The following RALA variants were observed in gnomAD, a reference collection of about 807,000 sequenced individuals.
RALA encodes the protein RAS like proto-oncogene A.
RALA carries 5 observed loss-of-function variants against 24.0 expected under a neutral mutation model. That is an observed-to-expected ratio of 0.21 (90% CI 0.11 to 0.44). The LOEUF (loss-of-function observed/expected upper bound fraction) is 0.44, where lower values mean the gene tolerates loss of function less well. RALA is among the 20% of genes least tolerant of loss of function. The pLI is 0.99. For synonymous variants in RALA, 77 were observed against 83.8 expected (o/e 0.92, Z 0.44); for missense variants, 95 against 241.2 (o/e 0.39, Z 4.01).
At chr7:39,693,265 G>T (rs1027664246) in intron 3 of RALA, among the ~76,000 whole-genome samples, 8 of 152,114 alleles carry the variant, frequency 5.3e-5, no homozygotes, top group African/African-American at 1.4e-4. Flanking sequence ...CATGTCCTTC[G>T]CAGGGACATG....
chr7:39,681,302 C>CTTTTTTTTTTTTTT lies in RALA; in HGVS notation c.-37-5309_-37-5296dup, dbSNP rs70996832. ...TCCTCAACCCAAACCCACCCTATTC[C>CTTTTTTTTTTTTTT]TTTTTTTTTTTTTTTTTTTTTTTTT... is the stretch of plus-strand genomic sequence containing the variant. On this transcript the variant is annotated intron_variant, in intron 1 of 4. Coordinates refer to ENST00000005257, the MANE Select transcript of RALA (RefSeq NM_005402.4). 1.4e-3 allele frequency among the ~76,000 whole-genome samples: 70 copies of CTTTTTTTTTTTTTT among 50,048 alleles called. 8 individuals carry two copies. The highest frequency in any genetic ancestry group is 2.0e-3 in the Non-Finnish European group (55 of 28,088). 32.8% of individuals were successfully genotyped at this position (50,048 alleles called of 152,430 possible).
At chr7:39,671,561 A>C (rs1418802630) in intron 1 of RALA, among the ~76,000 whole-genome samples, 1 of 152,190 alleles carries the variant, frequency 6.6e-6, no homozygotes, top group East Asian at 1.9e-4. Flanking sequence ...CTGTTTTATT[A>C]ATGTTAACCT....
At chr7:39,659,185 A>G (rs925083996) in intron 1 of RALA, among the ~76,000 whole-genome samples, 2 of 152,090 alleles carry the variant, frequency 1.3e-5, no homozygotes, top group Non-Finnish European at 2.9e-5. Flanking sequence ...GGTCTGAGGC[A>G]GGAGGATTGC....
chr7:39,625,939 A>C (rs1442936061), intron 1 of RALA, among the ~76,000 whole-genome samples: 1 of 152,232 alleles, frequency 6.6e-6, no homozygotes, highest in Admixed American at 6.5e-5. Context: ...AGATATGCAT[A>C]TCAGTGTAAT....
At chr7:39,690,643 C>A in intron 3 of RALA, 53 bp downstream of exon 3, 1 of 1,392,224 alleles carries the variant, frequency 7.2e-7, no homozygotes. Context: ...ACAATTTCTT[C>A]CCCAGAAACA....
At position 39,672,687 on chromosome 7, in the gene RALA, A is replaced by G. The variant is rs140696320; in HGVS notation, c.-37-13944A>G. 6.4e-3 allele frequency among the ~76,000 whole-genome samples: 979 copies of G among 152,108 alleles called. 9 individuals are homozygous for G. The highest frequency in any genetic ancestry group is 0.022 in the African/African-American group (920 of 41,502). ...AAAGATGCATGCACTGATACATGCA[A>G]CAATATTTGTGTGTCTCAAAAGCCT... On this transcript the variant is annotated intron_variant, in intron 1 of 4. Transcript: ENST00000005257.
chr7:39,696,718 T>A lies in RALA; in HGVS notation c.357T>A (p.Asn119Lys). 6.2e-7 allele frequency: 1 copy of A among 1,608,420 alleles called. No homozygotes were observed. The highest frequency in any genetic ancestry group is 1.1e-5 in the South Asian group (1 of 90,048). ...EQILRVKEDE[N>K]VPFLLVGNKS... ...TTTTAAGAGTAAAAGAAGATGAGAA[T>A]GTTCCATTTCTACTGGTTGGTAACA... The change falls in exon 4 of 5, where the codon AAT becomes AAA. Residue 119 changes from asparagine (N) to lysine (K), a missense_variant. By Grantham distance (94) the Asn-to-Lys change is moderately conservative. Coordinates refer to ENST00000005257, the MANE Select transcript of RALA (RefSeq NM_005402.4).
At chr7:39,698,468 G>A (rs2116103871) in intron 4 of RALA, among the ~76,000 whole-genome samples, 1 of 152,298 alleles carries the variant, frequency 6.6e-6, no homozygotes, top group East Asian at 1.9e-4. Flanking sequence ...TGCCCAGCCT[G>A]TGCCTGCCAT....
intron 1 of RALA, among the ~76,000 whole-genome samples, chr7:39,634,290 A>G (rs1052053176): frequency 2.0e-5 from 3 of 152,024 alleles, no homozygotes; most frequent in Non-Finnish European, 4.4e-5. Flanking sequence ...CCTGTGACCC[A>G]TGTCACCTTT....
chr7:39,700,556 A>G (rs896390312), intron 4 of RALA: 1 of 152,266 alleles, frequency 6.6e-6, no homozygotes, highest in African/African-American at 2.4e-5. Flanking sequence ...ACGGCCTTTT[A>G]TGACATAGTC....
chr7:39,703,419 T>C (rs1257845258), intron 4 of RALA: 1 of 152,234 alleles, frequency 6.6e-6, no homozygotes, highest in Admixed American at 6.5e-5. Flanking sequence ...TTTTATACTT[T>C]TTTCCCTTTA....
chr7:39,631,513 C>T (rs970050014), intron 1 of RALA, among the ~76,000 whole-genome samples: 3 of 152,194 alleles, frequency 2.0e-5, no homozygotes, highest in Non-Finnish European at 4.4e-5. Flanking sequence ...TGTGTGCCAC[C>T]ATGCCCTGCT....
chr7:39,645,237 A>G (rs1295649913), intron 1 of RALA, among the ~76,000 whole-genome samples: 1 of 152,224 alleles, frequency 6.6e-6, no homozygotes, highest in Non-Finnish European at 1.5e-5. Context: ...AGGGTAAACA[A>G]CAGCAGGGTT....
intron 1 of RALA, among the ~76,000 whole-genome samples, chr7:39,670,574 G>C (rs1223639730): frequency 2.6e-5 from 4 of 152,276 alleles, no homozygotes; most frequent in South Asian, 2.1e-4. Context: ...TATCCTTCCA[G>C]AATTAGCATA....
intron 2 of RALA, among the ~76,000 whole-genome samples, chr7:39,688,562 G>A (rs1792751766): frequency 6.7e-6 from 1 of 148,442 alleles, no homozygotes; most frequent in African/African-American, 2.5e-5. Flanking sequence ...CCAAAAGTAA[G>A]AATATTCACA....
chr7:39,632,775 C>T (rs888656264), intron 1 of RALA, among the ~76,000 whole-genome samples: 1 of 152,148 alleles, frequency 6.6e-6, no homozygotes, highest in African/African-American at 2.4e-5. Context: ...GAGATCATGC[C>T]ACTGCACTCC....
chr7:39,703,431 C>G (rs1230887804), intron 4 of RALA: 1 of 152,182 alleles, frequency 6.6e-6, no homozygotes. Context: ...TTCCCTTTAA[C>G]CGTTTATGCT....
At position 39,706,510 on chromosome 7, in the gene RALA, T is replaced by C. The variant is rs1168958745; in HGVS notation, c.*265T>C. Reference sequence around the variant, plus strand: ...AATGTAGCGTGTAAGCTTGTGTTTCTTGGGCAGTCTTTCTTGAAATTGAAG... The same window carrying C: ...AATGTAGCGTGTAAGCTTGTGTTTCCTGGGCAGTCTTTCTTGAAATTGAAG... On this transcript the variant is annotated 3_prime_UTR_variant, in exon 5 of 5. Transcript: ENST00000005257. 3.9e-6 allele frequency: 1 copy of C among 257,020 alleles called. No homozygotes were observed. The highest frequency in any genetic ancestry group is 7.3e-6 in the Non-Finnish European group (1 of 136,896). 15.9% of individuals were successfully genotyped at this position (257,020 alleles called of 1,614,324 possible). A position where few individuals can be genotyped will look rare whatever the true frequency, so the allele number is the denominator to read the frequency against.
At chr7:39,663,451 T>A (rs749929265) in intron 1 of RALA, among the ~76,000 whole-genome samples, 1 of 152,134 alleles carries the variant, frequency 6.6e-6, no homozygotes, top group Non-Finnish European at 1.5e-5. Flanking sequence ...AAACTTTAAA[T>A]AACACTGTGG....
Sources: allele counts gnomAD v4.1 joint callset (sites outside exome capture counted in the v4.1 genomes callset), GRCh38; gene constraint gnomAD v4.1.1; transcripts MANE v1.5; gene names NCBI Gene and HGNC (gene_info 2026-07-23, HGNC 2026-07-21).